Variants in ZDHHC14 observed in about 807,000 individuals in gnomAD.
The protein encoded by ZDHHC14 is palmitoyltransferase ZDHHC14.
In ZDHHC14, 16 loss-of-function variants were observed where a neutral mutation model predicts 47.7. That is an observed-to-expected ratio of 0.34 (90% confidence interval 0.23 to 0.51). ZDHHC14 has a LOEUF of 0.51. Among genes scored for constraint, ZDHHC14 ranks in the 20% least tolerant of loss-of-function variants. The pLI is 0.97. For missense variants in ZDHHC14, 515 were observed against 662.5 expected (o/e 0.78, Z 2.44); for synonymous variants, 293 against 278.9 (o/e 1.05, Z -0.50).
At chr6:157,535,472 G>C (rs191071855) in intron 1 of ZDHHC14, among the ~76,000 whole-genome samples, 16 of 152,292 alleles carry the variant, frequency 1.1e-4, no homozygotes, top group Admixed American at 9.8e-4. Flanking sequence ...TGATGAAACT[G>C]AACATCAAGT....
intron 8 of ZDHHC14, among the ~76,000 whole-genome samples, chr6:157,662,158 C>CA (rs56361654): frequency 0.32 from 49,038 of 151,866 alleles, 8,268 homozygotes; most frequent in East Asian, 0.54. Flanking sequence ...CTGAGACATA[C>CA]ATTTTCTAAC....
chr6:157,399,031 C>G (rs1777579151), intron 1 of ZDHHC14, among the ~76,000 whole-genome samples: 1 of 152,232 alleles, frequency 6.6e-6, no homozygotes, highest in African/African-American at 2.4e-5. Flanking sequence ...CTGCAATTTT[C>G]TGGAGGGGAC....
At chr6:157,458,848 G>GGTTTTTTTTTT in intron 1 of ZDHHC14, among the ~76,000 whole-genome samples, 1 of 68,756 alleles carries the variant, frequency 1.5e-5, no homozygotes, top group Non-Finnish European at 2.8e-5. Context: ...AATGTGGGTG[G>GGTTTTTTTTTT]ATTTTTTTTT....
chr6:157,557,415 C>T (rs1393101654), intron 2 of ZDHHC14, among the ~76,000 whole-genome samples: 4 of 152,106 alleles, frequency 2.6e-5, no homozygotes, highest in African/African-American at 9.7e-5. Flanking sequence ...TGACTTTTGC[C>T]ATGTTAGGAT....
chr6:157,544,999 T>C (rs1241443394), intron 2 of ZDHHC14, among the ~76,000 whole-genome samples: 4 of 152,190 alleles, frequency 2.6e-5, no homozygotes, highest in African/African-American at 7.2e-5. Flanking sequence ...GGTATATCCA[T>C]ACAATTGGAT....
At chr6:157,412,275 A>G (rs1656370793) in intron 1 of ZDHHC14, among the ~76,000 whole-genome samples, 1 of 148,784 alleles carries the variant, frequency 6.7e-6, no homozygotes, top group Non-Finnish European at 1.5e-5. Context: ...TAGTAATAGA[A>G]TGGAGTTTTG....
At chr6:157,416,972 GTTTTTTTTTTTTTTTTT>G (rs71027335) in intron 1 of ZDHHC14, among the ~76,000 whole-genome samples, 1 of 45,560 alleles carries the variant, frequency 2.2e-5, no homozygotes, top group African/African-American at 1.1e-4. Context: ...TGCCTGGCTA[GTTTTTTTTTTTTTTTTT>G]TTTTTTTTTT....
chr6:157,446,199 C>T (rs1778663684), intron 1 of ZDHHC14, among the ~76,000 whole-genome samples: 1 of 152,130 alleles, frequency 6.6e-6, no homozygotes, highest in Non-Finnish European at 1.5e-5. Flanking sequence ...ATTCTATCAT[C>T]TGGAGATTAT....
chr6:157,652,539 C>CA (rs1335402064), intron 7 of ZDHHC14, among the ~76,000 whole-genome samples: 1 of 152,116 alleles, frequency 6.6e-6, no homozygotes, highest in Admixed American at 6.5e-5. Context: ...GCTGAGCCTT[C>CA]ACTGGGGAGA....
intron 3 of ZDHHC14, among the ~76,000 whole-genome samples, 194 bp downstream of exon 3, chr6:157,593,340 TGGCTGCGAG>T (rs548542857): frequency 3.3e-5 from 5 of 152,308 alleles, no homozygotes; most frequent in Non-Finnish European, 7.4e-5. Flanking sequence ...GCACCGCCCT[TGGCTGCGAG>T]GGCCTCCCCC....
chr6:157,436,901 T>A (rs1778450578), intron 1 of ZDHHC14, among the ~76,000 whole-genome samples: 1 of 152,070 alleles, frequency 6.6e-6, no homozygotes, highest in Non-Finnish European at 1.5e-5. Context: ...CGCAGAGCTG[T>A]CTGCAGGGAG....
chr6:157,400,912 C>T (rs1345550390), intron 1 of ZDHHC14, among the ~76,000 whole-genome samples: 1 of 152,214 alleles, frequency 6.6e-6, no homozygotes, highest in East Asian at 1.9e-4. Context: ...CTCACCAAGC[C>T]CAGAACCCTG....
intron 1 of ZDHHC14, among the ~76,000 whole-genome samples, chr6:157,517,675 C>T (rs377402574): frequency 1.3e-5 from 2 of 152,180 alleles, no homozygotes; most frequent in African/African-American, 2.4e-5. Context: ...CCCAAACCGG[C>T]GACTCCTGAC....
At chr6:157,562,682 C>G (rs2114843431) in intron 2 of ZDHHC14, among the ~76,000 whole-genome samples, 1 of 152,340 alleles carries the variant, frequency 6.6e-6, no homozygotes, top group East Asian at 1.9e-4. Flanking sequence ...CACCCAGAGT[C>G]TGTTGGAGAC....
intron 2 of ZDHHC14, among the ~76,000 whole-genome samples, chr6:157,585,094 C>T (rs35083721): frequency 0.3 from 45,665 of 151,736 alleles, 7,177 homozygotes; most frequent in East Asian, 0.57. Flanking sequence ...GTAGTCCCAG[C>T]TTCTCGGGAG....
intron 2 of ZDHHC14, 115 bp downstream of exon 2, chr6:157,542,860 G>A (rs1781825744): frequency 1.5e-6 from 2 of 1,326,854 alleles, no homozygotes; most frequent in Admixed American, 5.3e-5. Context: ...AAGGAAGGAG[G>A]CCAGAAGTCA....
chr6:157,522,493 T>G (rs1780957177), intron 1 of ZDHHC14, among the ~76,000 whole-genome samples: 1 of 152,116 alleles, frequency 6.6e-6, no homozygotes, highest in African/African-American at 2.4e-5. Context: ...TCCCTGTTGT[T>G]TTTTTCCCTA....
At chr6:157,667,365 G>A (rs1021504591) in intron 8 of ZDHHC14, among the ~76,000 whole-genome samples, 1 of 152,116 alleles carries the variant, frequency 6.6e-6, no homozygotes, top group African/African-American at 2.4e-5. Context: ...CTCTACTGGT[G>A]GAAGGTAAAA....
At chr6:157,624,342 T>C (rs1048454443) in intron 3 of ZDHHC14, among the ~76,000 whole-genome samples, 1 of 152,232 alleles carries the variant, frequency 6.6e-6, no homozygotes, top group East Asian at 1.9e-4. Context: ...TCCCTGCTTT[T>C]CCATGGCCTG....
Sources: gnomAD v4.1 joint callset for allele counts (sites outside exome capture counted in the v4.1 genomes callset) on GRCh38, gnomAD v4.1.1 for gene constraint, MANE v1.5 for transcripts, NCBI Gene and HGNC (gene_info 2026-07-23, HGNC 2026-07-21) for gene names.